KDM1A: variants seen among roughly 807,000 people sequenced by gnomAD.
KDM1A encodes lysine-specific histone demethylase 1A.
A neutral mutation model predicts 109.4 loss-of-function variants in KDM1A; 49 were observed. The ratio of observed to expected loss-of-function variants is 0.45; its 90% CI spans 0.36 to 0.57. KDM1A has a LOEUF of 0.57. KDM1A is among the 20% of genes least tolerant of loss of function. The pLI is 0.00. For synonymous variants in KDM1A, 380 were observed against 415.4 expected, an observed-to-expected ratio of 0.91 and a Z score of 1.04; for missense variants, 668 against 1,116.6, an observed-to-expected ratio of 0.60 and a Z score of 5.73.
At chr1:23,071,442 C>G (rs1272465738) in intron 13 of KDM1A, 83 bp downstream of exon 13, 1 of 1,345,052 alleles carries the variant, frequency 7.4e-7, no homozygotes, top group Non-Finnish European at 1.0e-6. Flanking sequence ...GAAAAGAGAG[C>G]CACTAGCCAA....
In KDM1A at chr1:23,071,285, G is replaced by A; in HGVS notation, c.1474G>A (p.Val492Ile). The change falls in exon 13 of 21, where the codon GTA (valine) becomes ATA (isoleucine). Residue 492 changes from valine to isoleucine, a missense_variant. Val to Ile is a conservative substitution (Grantham distance 29). Around this residue, in one of 8 missense-constraint regions of KDM1A, gnomAD observed 62 missense variants for 82.8 expected, o/e 0.75. Transcript: ENST00000400181. ...LHQQYKEASE[V>I]KPPRDITAEF... ...TCAGCAATACAAAGAAGCATCTGAAGTAAAGCCACCCAGAGATATTACTGC... is the reference window on the plus strand; with the variant it reads ...TCAGCAATACAAAGAAGCATCTGAAATAAAGCCACCCAGAGATATTACTGC... 1 of 1,612,638 alleles carries A rather than the reference G, an allele frequency of 6.2e-7. No individual in the cohort carries two copies. Among genetic ancestry groups the A allele is most frequent in the Non-Finnish European group, 8.5e-7 (1 of 1,179,434 alleles).
intron 5 of KDM1A, among the ~76,000 whole-genome samples, chr1:23,054,047 A>C (rs1303510759): frequency 6.6e-6 from 1 of 152,162 alleles, no homozygotes; most frequent in Non-Finnish European, 1.5e-5. Context: ...TTAACAGATG[A>C]GTTCAAGAGA....
intron 18 of KDM1A, 142 bp from the exon 19 acceptor site, chr1:23,081,304 A>G: frequency 1.1e-6 from 1 of 934,080 alleles, no homozygotes; most frequent in African/African-American, 1.7e-5. Flanking sequence ...CAGAAACATA[A>G]TCTGTCTCTT....
intron 3 of KDM1A, 44 bp from the exon 4 acceptor site, chr1:23,050,343 A>C: frequency 6.4e-7 from 1 of 1,567,776 alleles, no homozygotes; most frequent in Non-Finnish European, 8.6e-7. Context: ...CCCGTTTTGT[A>C]TTCACTTGCA....
At chr1:23,064,951 G>A (rs1643119670) in intron 9 of KDM1A, among the ~76,000 whole-genome samples, 2 of 152,222 alleles carry the variant, frequency 1.3e-5, no homozygotes, top group Admixed American at 6.5e-5. Context: ...TTCTTAGAAC[G>A]CTCTTAACAT....
At chr1:23,081,880 C>T (rs1482183784) in intron 19 of KDM1A, 2 of 423,232 alleles carry the variant, frequency 4.7e-6, no homozygotes, top group Non-Finnish European at 8.4e-6. Context: ...TTTCAGAGAA[C>T]CTCTTGGTAC....
chr1:23,066,488 T>C (rs942857499), intron 10 of KDM1A, among the ~76,000 whole-genome samples: 2 of 152,214 alleles, frequency 1.3e-5, no homozygotes, highest in Non-Finnish European at 2.9e-5. Flanking sequence ...TCATCCTAGT[T>C]GCAAAGATTA....
At chr1:23,041,928 T>C (rs563862479) in intron 2 of KDM1A, among the ~76,000 whole-genome samples, 17 of 152,344 alleles carry the variant, frequency 1.1e-4, no homozygotes, top group Admixed American at 3.3e-4. Context: ...CCTTTTGTCC[T>C]GGTTAACCTA....
intron 3 of KDM1A, among the ~76,000 whole-genome samples, 166 bp downstream of exon 3, chr1:23,044,652 A>G (rs1410813592): frequency 6.6e-6 from 1 of 152,168 alleles, no homozygotes; most frequent in East Asian, 1.9e-4. Context: ...AGTGAGAACA[A>G]AGGCAAGCAA....
intron 15 of KDM1A, 66 bp from the exon 16 acceptor site, chr1:23,077,162 A>G: frequency 2.0e-6 from 3 of 1,473,286 alleles, no homozygotes; most frequent in Non-Finnish European, 2.8e-6. Flanking sequence ...GTTGTTGTAC[A>G]GAACTAGGTG....
Position 23,069,099 on chromosome 1 carries a change from A to G in KDM1A, c.1361A>G (p.His454Arg). Residue 454 changes from histidine (H) to arginine (R), a missense_variant, in exon 12 of 21, where the codon CAT becomes CGT. His to Arg is a conservative substitution (Grantham distance 29, BLOSUM62 0). Around this residue, in one of 8 missense-constraint regions of KDM1A, gnomAD observed 62 missense variants for 82.8 expected, o/e 0.75. Transcript: ENST00000400181. ...EKHVKDEQIEHWKKIVKTQEE... is the reference protein window; with the variant it reads ...EKHVKDEQIERWKKIVKTQEE... ...CATGTCAAAGATGAGCAGATTGAAC[A>G]TTGGAAGAAGATAGTGAAAACTCAG... 6.2e-7 allele frequency: 1 copy of G among 1,611,540 alleles called. No individual in the cohort carries two copies. The highest frequency in any genetic ancestry group is 1.7e-5 in the Admixed American group (1 of 59,752).
intron 9 of KDM1A, among the ~76,000 whole-genome samples, chr1:23,063,817 C>T (rs1016719975): frequency 6.6e-6 from 1 of 152,192 alleles, no homozygotes; most frequent in African/African-American, 2.4e-5. Flanking sequence ...CTAATCACTG[C>T]TTTAAGGAAG....
chr1:23,081,664 T>A, intron 19 of KDM1A, 91 bp downstream of exon 19: 1 of 1,439,976 alleles, frequency 6.9e-7, no homozygotes, highest in Non-Finnish European at 9.5e-7. Flanking sequence ...CAGGACAGTT[T>A]AAGCTAGAAT....
rs776974817 is a variant in KDM1A at position 23,019,576 on chromosome 1, TCGGCGGCC to T, written c.-10_-3del. 5.0e-6 allele frequency: 7 copies of T among 1,398,788 alleles called. No homozygotes were observed. Among genetic ancestry groups the T allele is most frequent in the East Asian group, 2.8e-5 (1 of 35,778 alleles). 86.6% of individuals were successfully genotyped at this position (1,398,788 alleles called of 1,614,324 possible). On this transcript the variant is annotated 5_prime_UTR_variant, in exon 1 of 21. Transcript: ENST00000400181. ...ACAGAGCGAGCGGCCCCTACGGCCGTCGGCGGCCCGGCGGCCCGAGATGTTATCTGGGA... is the reference window on the plus strand; with the variant it reads ...ACAGAGCGAGCGGCCCCTACGGCCGTCGGCGGCCCGAGATGTTATCTGGGA...
rs567356181 is a variant in KDM1A at position 23,019,543 on chromosome 1, A to C, written c.-54A>C. 6 of 1,341,790 alleles carry C rather than the reference A, an allele frequency of 4.5e-6. No homozygotes were observed. The South Asian group carries it at 1.3e-4, about 28-fold the overall frequency. The allele number at this position is 1,341,790 out of a possible 1,614,324, so 83.1% of individuals were successfully genotyped here. A position where few individuals can be genotyped will look rare whatever the true frequency, so the allele number is the denominator to read the frequency against. On this transcript the variant is annotated 5_prime_UTR_variant, in exon 1 of 21. Coordinates refer to ENST00000400181, the MANE Select transcript of KDM1A (RefSeq NM_001009999.3). The stretch of plus-strand genomic sequence containing the variant: ...AGGCGAGGCAAGGCTTTTCGGACCC[A>C]CGGAGCGACAGAGCGAGCGGCCCCT...
In KDM1A at chr1:23,050,423, A is replaced by G. The variant is rs758803358; in HGVS notation, c.614A>G (p.His205Arg). ...GCAGCTTTCCAGAGCCGACTTCCTC[A>G]TGACCGGATGACTTCTCAAGAAGCA... ...EGAAFQSRLPHDRMTSQEAAC... is the reference protein window; with the variant it reads ...EGAAFQSRLPRDRMTSQEAAC... The change falls in exon 4 of 21, where the codon CAT becomes CGT. Residue 205 changes from histidine to arginine, a missense_variant. His to Arg is a conservative substitution (Grantham distance 29). Transcript: ENST00000400181. 12 of 1,613,574 alleles carry G rather than the reference A, an allele frequency of 7.4e-6. No individual in the cohort carries two copies. Among genetic ancestry groups the G allele is most frequent in the South Asian group, 1.1e-5 (1 of 91,026 alleles).
intron 3 of KDM1A, among the ~76,000 whole-genome samples, chr1:23,049,418 G>C (rs547133704): frequency 6.6e-6 from 1 of 151,864 alleles, no homozygotes. Flanking sequence ...ATTAATTGAA[G>C]AGTTTGAAAA....
rs1260312123 is a variant in KDM1A, at chr1:23,079,227, G to A, written c.2055+50G>A. 1 of 1,560,452 alleles carries A rather than the reference G, an allele frequency of 6.4e-7. No individual in the cohort carries two copies. The highest frequency in any genetic ancestry group is 1.2e-5 in the South Asian group (1 of 84,864). ...CTACAGATCTGATGTACAAATAGCA[G>A]TCTTCGTTGTTTACTTGGTGAGGAG... On this transcript the variant is annotated intron_variant, in intron 17 of 20. Coordinates refer to ENST00000400181, the MANE Select transcript of KDM1A (RefSeq NM_001009999.3). This position sits in a 1 kb window ranked among gnomAD's most constrained non-coding sequence, Gnocchi z 5.6.
At position 23,049,583 on chromosome 1, in the gene KDM1A, G is replaced by T. The variant is rs1642604025; in HGVS notation, c.578-804G>T. On this transcript the variant is annotated intron_variant, in intron 3 of 20. Coordinates refer to ENST00000400181, the MANE Select transcript of KDM1A (RefSeq NM_001009999.3). ...GCCTGTAATCCCAGCTACTCGAGAG[G>T]CTGAGGCAGGAGAATCGCTTGAACC... 2.6e-5 allele frequency among the ~76,000 whole-genome samples: 4 copies of T among 151,694 alleles called. No homozygotes were observed. In the South Asian group the frequency reaches 8.4e-4, roughly 32 times the overall value.
Sources: allele counts gnomAD v4.1 joint callset (sites outside exome capture counted in the v4.1 genomes callset), GRCh38; gene constraint gnomAD v4.1.1; regional missense constraint gnomAD v4.1.1; non-coding constraint Gnocchi (gnomAD v3.1); transcripts MANE v1.5; gene names NCBI Gene and HGNC (gene_info 2026-07-23, HGNC 2026-07-21).